The following KHDRBS2 variants were observed in gnomAD, a reference collection of about 807,000 sequenced individuals.
The protein encoded by KHDRBS2 is KH domain-containing, RNA-binding, signal transduction-associated protein 2.
In KHDRBS2, 26 loss-of-function variants were observed where a neutral mutation model predicts 44.3. The observed-to-expected ratio is 0.59, with a 90% CI of 0.43 to 0.81. The LOEUF is 0.81. KHDRBS2 is among the 40% of genes least tolerant of loss of function. KHDRBS2 has a pLI of 0.00. For missense variants in KHDRBS2, 476 were observed against 433.1 expected (o/e 1.10, Z -0.88); for synonymous variants, 194 against 151.1 (o/e 1.28, Z -2.08).
chr6:61,966,318 A>G (rs1192637038), intron 4 of KHDRBS2, among the ~76,000 whole-genome samples: 2 of 152,076 alleles, frequency 1.3e-5, no homozygotes, highest in African/African-American at 4.8e-5. Flanking sequence ...TTTTCAATAT[A>G]GATCATATAA....
intron 7 of KHDRBS2, among the ~76,000 whole-genome samples, chr6:61,717,068 G>T (rs1245559830): frequency 6.6e-6 from 1 of 151,992 alleles, no homozygotes; most frequent in Non-Finnish European, 1.5e-5. Context: ...TTTCTTGAGA[G>T]ACTTGTCATT....
chr6:61,679,012 C>T (rs1438148520), downstream of KHDRBS2: 1 of 151,728 alleles, frequency 6.6e-6, no homozygotes, highest in Admixed American at 6.6e-5. Flanking sequence ...TTGTAAAAGG[C>T]AAATATTTAC....
intron 2 of KHDRBS2, among the ~76,000 whole-genome samples, chr6:62,176,653 AAT>A (rs1821156055): frequency 6.6e-6 from 1 of 151,248 alleles, no homozygotes; most frequent in Non-Finnish European, 1.5e-5. Flanking sequence ...TTGGTGAAAA[AAT>A]AGTTTAAAGA....
chr6:61,618,965 G>GTT, the KHDRBS2 span, among the ~76,000 whole-genome samples: 54 of 152,234 alleles, frequency 3.5e-4, no homozygotes, highest in African/African-American at 1.3e-3. Context: ...TGAGGGCAGA[G>GTT]TTTTCTGTCT....
chr6:61,630,388 G>A, the KHDRBS2 span: 1 of 151,620 alleles, frequency 6.6e-6, no homozygotes, highest in Non-Finnish European at 1.5e-5. Flanking sequence ...GCATTTTGGT[G>A]AAGGCCCCCA....
intron 3 of KHDRBS2, among the ~76,000 whole-genome samples, chr6:62,013,633 T>C (rs1298678844): frequency 6.6e-6 from 1 of 152,166 alleles, no homozygotes; most frequent in Admixed American, 6.6e-5. Flanking sequence ...AGGATTATTA[T>C]GAACTAACAC....
chr6:62,230,858 A>T (rs1384415465), intron 1 of KHDRBS2, among the ~76,000 whole-genome samples: 1 of 152,208 alleles, frequency 6.6e-6, no homozygotes, highest in Non-Finnish European at 1.5e-5. Context: ...TTAATAACCT[A>T]TGATGACCCC....
At chr6:62,049,409 T>C (rs1279955978) in intron 2 of KHDRBS2, among the ~76,000 whole-genome samples, 2 of 151,328 alleles carry the variant, frequency 1.3e-5, no homozygotes, top group Admixed American at 6.6e-5. Context: ...ACTAAAATTA[T>C]AAAGATTCTA....
At chr6:61,774,287 T>C (rs1781545827) in intron 6 of KHDRBS2, among the ~76,000 whole-genome samples, 1 of 152,204 alleles carries the variant, frequency 6.6e-6, no homozygotes, top group Non-Finnish European at 1.5e-5. Context: ...CATGGAATGT[T>C]CTTCCATCTG....
chr6:62,109,773 A>G (rs1030239563), intron 2 of KHDRBS2, among the ~76,000 whole-genome samples: 8 of 151,762 alleles, frequency 5.3e-5, no homozygotes, highest in Non-Finnish European at 1.2e-4. Flanking sequence ...TTAAAGGAAG[A>G]TAACAAGGAA....
chr6:61,634,172 A>G, the KHDRBS2 span, among the ~76,000 whole-genome samples: 9 of 152,006 alleles, frequency 5.9e-5, no homozygotes. Context: ...TTTCAAATGC[A>G]GTTCCTTTAT....
intron 1 of KHDRBS2, among the ~76,000 whole-genome samples, chr6:62,230,639 A>G (rs1368036547): frequency 6.6e-6 from 1 of 152,126 alleles, no homozygotes; most frequent in Non-Finnish European, 1.5e-5. Flanking sequence ...AATTACTATT[A>G]TATATTTTAC....
At chr6:62,225,951 G>T (rs1831728752) in intron 1 of KHDRBS2, among the ~76,000 whole-genome samples, 1 of 152,112 alleles carries the variant, frequency 6.6e-6, no homozygotes, top group Non-Finnish European at 1.5e-5. Context: ...AGGGCATTTG[G>T]TTTGGTTCCA....
chr6:61,700,791 AAAGACAATGCCTTAAG>A (rs1359334401), intron 7 of KHDRBS2, among the ~76,000 whole-genome samples: 1 of 151,686 alleles, frequency 6.6e-6, no homozygotes, highest in East Asian at 1.9e-4. Context: ...CAATGCAAAC[AAAGACAATGCCTTAAG>A]AAGTCATCAG....
chr6:61,636,072 G>A, the KHDRBS2 span, among the ~76,000 whole-genome samples: 4 of 151,964 alleles, frequency 2.6e-5, no homozygotes, highest in Non-Finnish European at 5.9e-5. Context: ...ACAATATTCC[G>A]TAGTTTCTTT....
intron 6 of KHDRBS2, among the ~76,000 whole-genome samples, chr6:61,868,082 C>T (rs1347369288): frequency 1.3e-5 from 2 of 152,062 alleles, no homozygotes; most frequent in African/African-American, 4.8e-5. Flanking sequence ...AATGTGGCAG[C>T]CCACCCCGAC....
At chr6:61,773,715 G>A (rs1450745747) in intron 6 of KHDRBS2, among the ~76,000 whole-genome samples, 1 of 151,682 alleles carries the variant, frequency 6.6e-6, no homozygotes, top group Non-Finnish European at 1.5e-5. Context: ...TGAAGTCCTT[G>A]CCCATGCCTA....
the KHDRBS2 span, among the ~76,000 whole-genome samples, chr6:61,602,083 G>T: frequency 1.3e-5 from 2 of 152,066 alleles, no homozygotes; most frequent in African/African-American, 4.8e-5. Flanking sequence ...TCAAAAGGCC[G>T]TCTTATTCTC....
intron 7 of KHDRBS2, among the ~76,000 whole-genome samples, chr6:61,717,259 T>C (rs757088332): frequency 9.9e-5 from 15 of 152,050 alleles, no homozygotes; most frequent in Non-Finnish European, 1.9e-4. Context: ...TACATACTGA[T>C]AATTTGAGGA....
Sources: gnomAD v4.1 joint callset for allele counts (sites outside exome capture counted in the v4.1 genomes callset) on GRCh38, gnomAD v4.1.1 for gene constraint, MANE v1.5 for transcripts, NCBI Gene and HGNC (gene_info 2026-07-23, HGNC 2026-07-21) for gene names.